Variants in DNAJC5 observed in about 807,000 individuals in gnomAD.
DNAJC5 encodes the protein dnaJ homolog subfamily C member 5.
A neutral mutation model predicts 23.2 loss-of-function variants in DNAJC5; 1 was observed. The ratio of observed to expected loss-of-function variants is 0.04; its 90% CI spans 0.02 to 0.20. DNAJC5 has a LOEUF of 0.20. Ranked by LOEUF, DNAJC5 falls within the 10% of genes least tolerant of loss-of-function variation. DNAJC5 has a pLI of 1.00. For missense variants in DNAJC5, 180 were observed against 267.0 expected, an observed-to-expected ratio of 0.67 and a Z score of 2.27; for synonymous variants, 136 against 120.0, an observed-to-expected ratio of 1.13 and a Z score of -0.87.
chr20:63,914,718 C>A (rs572286616), intron 1 of DNAJC5, among the ~76,000 whole-genome samples: 11 of 150,176 alleles, frequency 7.3e-5, no homozygotes, highest in Middle Eastern at 3.4e-3. Context: ...CTAGTTCAAA[C>A]GATTCTTCTG....
rs539536316 is a variant in DNAJC5, at chr20:63,934,481, G to C, written c.*2913G>C. On this transcript the variant is annotated 3_prime_UTR_variant, in exon 5 of 5. Transcript: ENST00000360864. Reference sequence around the variant, plus strand: ...CCTCTGGGGTCGTGCTTTGAGGCCCGTCCGGTTCACGAGGGGGTCCGGGCA... The same window carrying C: ...CCTCTGGGGTCGTGCTTTGAGGCCCCTCCGGTTCACGAGGGGGTCCGGGCA... The C allele has an allele frequency of 1.3e-5, 2 of 152,280 alleles. No individual in the cohort carries two copies. The highest frequency in any genetic ancestry group is 2.9e-5 in the Non-Finnish European group (2 of 68,074). 9.4% of individuals were successfully genotyped at this position (152,280 alleles called of 1,614,324 possible). A position where few individuals can be genotyped will look rare whatever the true frequency, so the allele number is the denominator to read the frequency against.
rs754875978 is a variant in DNAJC5 at position 63,928,477 on chromosome 20, C to CA, written c.107+26dup. On this transcript the variant is annotated intron_variant, in intron 2 of 4. Transcript: ENST00000360864. This position sits in a 1 kb window ranked among gnomAD's most constrained non-coding sequence, Gnocchi z 4.6. Reference sequence around the variant, plus strand: ...GGTAAGTGGACAAGTGTGGCCCCCACATCCCCCCAGGAAGACACACATGCC... The same window carrying CA: ...GGTAAGTGGACAAGTGTGGCCCCCACAATCCCCCCAGGAAGACACACATGCC... 1 of 1,588,340 alleles carries CA rather than the reference C, an allele frequency of 6.3e-7. No homozygotes were observed. The highest frequency in any genetic ancestry group is 8.6e-7 in the Non-Finnish European group (1 of 1,156,710).
chr20:63,931,335 G>T lies in DNAJC5; in HGVS notation c.494-130G>T. ...AGGCGACGGAGGAAAGCCGTGTGGG[G>T]TGGAGGTCAGCGAGTAGCCTCTCCC... On this transcript the variant is annotated intron_variant, in intron 4 of 4. Transcript: ENST00000360864. This position sits in a 1 kb window ranked among gnomAD's most constrained non-coding sequence, Gnocchi z 9.6. 2 of 954,732 alleles carry T rather than the reference G, an allele frequency of 2.1e-6. No individual in the cohort carries two copies. The highest frequency in any genetic ancestry group is 3.0e-4 in the Middle Eastern group (1 of 3,372). The allele number at this position is 954,732 out of a possible 1,614,324, so 59.1% of individuals were successfully genotyped here.
At chr20:63,915,977 A>G (rs1242584706) in intron 1 of DNAJC5, among the ~76,000 whole-genome samples, 2 of 152,248 alleles carry the variant, frequency 1.3e-5, no homozygotes, top group Non-Finnish European at 2.9e-5. Flanking sequence ...TTTGTCACTC[A>G]GACTGGAGGG....
chr20:63,904,794 G>T lies in DNAJC5; in HGVS notation c.-12+9471G>T, dbSNP rs896859783. On this transcript the variant is annotated intron_variant, in intron 1 of 4. Coordinates refer to ENST00000360864, the MANE Select transcript of DNAJC5 (RefSeq NM_025219.3). ...TAAGGCAGATTAATAAACTGTGGGG[G>T]TTTTTTTGTTTGTTTTTGTTTTTCT... Among the ~76,000 whole-genome samples the T allele has an allele frequency of 7.3e-5, 11 of 151,106 alleles. 1 individual carries two copies. Among genetic ancestry groups the T allele is most frequent in the Admixed American group, 4.0e-4 (6 of 14,956 alleles).
intron 1 of DNAJC5, among the ~76,000 whole-genome samples, chr20:63,907,856 C>T (rs1231899645): frequency 1.3e-5 from 2 of 152,202 alleles, no homozygotes; most frequent in Non-Finnish European, 2.9e-5. Flanking sequence ...TCCTCTGCCT[C>T]CCGGCTTCAA....
intron 1 of DNAJC5, among the ~76,000 whole-genome samples, chr20:63,905,545 C>T (rs1458785085): frequency 6.6e-6 from 1 of 151,782 alleles, no homozygotes; most frequent in East Asian, 1.9e-4. Context: ...GTGTGAGCCA[C>T]CACACATGAC....
intron 1 of DNAJC5, among the ~76,000 whole-genome samples, chr20:63,910,529 C>T (rs1014099695): frequency 4.7e-5 from 7 of 149,796 alleles, no homozygotes; most frequent in African/African-American, 1.2e-4. Context: ...GGCAACAGAG[C>T]GAGACTCCCT....
At chr20:63,924,200 A>T (rs199521321) in intron 1 of DNAJC5, among the ~76,000 whole-genome samples, 1 of 145,066 alleles carries the variant, frequency 6.9e-6, no homozygotes, top group Non-Finnish European at 1.5e-5. Flanking sequence ...AAAAATCAGT[A>T]TCAGTTTCTG....
intron 1 of DNAJC5, among the ~76,000 whole-genome samples, chr20:63,915,424 A>T (rs1362519192): frequency 2.9e-5 from 2 of 69,698 alleles, no homozygotes; most frequent in Admixed American, 1.5e-4. Flanking sequence ...TACAATTGGT[A>T]AAAAAAAAAA....
chr20:63,922,095 C>T (rs2053578227), intron 1 of DNAJC5, among the ~76,000 whole-genome samples: 1 of 151,866 alleles, frequency 6.6e-6, no homozygotes, highest in South Asian at 2.1e-4. Context: ...AAATTTAAAC[C>T]AAGTTTAGGA....
Position 63,928,493 on chromosome 20 carries a change from C to G in DNAJC5, c.107+41C>G, listed in dbSNP as rs369714507. 21 of 1,515,916 alleles carry G rather than the reference C, an allele frequency of 1.4e-5. No individual in the cohort carries two copies. In the African/African-American group the frequency reaches 2.1e-4, roughly 15 times the overall value. The allele number at this position is 1,515,916 out of a possible 1,614,324, so 93.9% of individuals were successfully genotyped here. On this transcript the variant is annotated intron_variant, in intron 2 of 4. Coordinates refer to ENST00000360864, the MANE Select transcript of DNAJC5 (RefSeq NM_025219.3). The surrounding 1 kb of genome is among the most constrained non-coding windows in gnomAD (Gnocchi z 4.6). ...TGGCCCCCACATCCCCCCAGGAAGA[C>G]ACACATGCCCCGTGTGGTTTAGTCT...
chr20:63,908,765 ACC>A (rs1230802512), intron 1 of DNAJC5, among the ~76,000 whole-genome samples: 3 of 152,048 alleles, frequency 2.0e-5, no homozygotes, highest in African/African-American at 7.2e-5. Context: ...CCACCATTGC[ACC>A]CCAGCCTGGG....
rs1487051165 is a variant in DNAJC5, at chr20:63,931,376, C to T, written c.494-89C>T. On this transcript the variant is annotated intron_variant, in intron 4 of 4. Transcript: ENST00000360864. The surrounding 1 kb of genome is among the most constrained non-coding windows in gnomAD (Gnocchi z 9.6). ...AGCCTCTCCCGGTGGAGAGTTTGTC[C>T]AGGTGCCCGAAAGTCGCTCCACAGG... The T allele has an allele frequency of 8.0e-7, 1 of 1,242,540 alleles. No homozygotes were observed. Among genetic ancestry groups the T allele is most frequent in the Non-Finnish European group, 1.1e-6 (1 of 880,664 alleles). 77.0% of individuals were successfully genotyped at this position (1,242,540 alleles called of 1,614,324 possible).
chr20:63,933,490 CAA>C lies in DNAJC5; in HGVS notation c.*1923_*1924del, dbSNP rs1382556533. 1 of 152,300 alleles carries C rather than the reference CAA, an allele frequency of 6.6e-6. No homozygotes were observed. Among genetic ancestry groups the C allele is most frequent in the African/African-American group, 2.4e-5 (1 of 41,428 alleles). The allele number at this position is 152,300 out of a possible 1,614,324, so 9.4% of individuals were successfully genotyped here. ...CTAAAATGATCACGAAGACCTTTGA[CAA>C]GAGGAGAGATATGCACTGTGATATT... On this transcript the variant is annotated 3_prime_UTR_variant, in exon 5 of 5. Transcript: ENST00000360864.
chr20:63,899,999 C>T (rs919353380), intron 1 of DNAJC5, among the ~76,000 whole-genome samples: 6 of 151,782 alleles, frequency 4.0e-5, no homozygotes, highest in African/African-American at 1.5e-4. Flanking sequence ...AGTGATTCTC[C>T]TGCCTCAGCC....
intron 1 of DNAJC5, among the ~76,000 whole-genome samples, chr20:63,905,132 T>C (rs1182195200): frequency 6.7e-6 from 1 of 148,866 alleles, no homozygotes; most frequent in Non-Finnish European, 1.5e-5. Flanking sequence ...CTTTTGTGTA[T>C]GTGATGGGGT....
At chr20:63,907,570 C>G (rs1314777294) in intron 1 of DNAJC5, among the ~76,000 whole-genome samples, 2 of 152,254 alleles carry the variant, frequency 1.3e-5, no homozygotes, top group East Asian at 3.9e-4. Context: ...CCTCCCACCC[C>G]CTGACCAGGC....
chr20:63,920,409 G>A lies in DNAJC5; in HGVS notation c.-11-7926G>A, dbSNP rs1417054737. ...GCTGGCGTCAGCAGGGCTCTCGTCCGCCAACGTCTGGTGGGGATGCCCGCC... is the reference window on the plus strand; with the variant it reads ...GCTGGCGTCAGCAGGGCTCTCGTCCACCAACGTCTGGTGGGGATGCCCGCC... On this transcript the variant is annotated intron_variant, in intron 1 of 4. Transcript: ENST00000360864. The surrounding 1 kb of genome is among the most constrained non-coding windows in gnomAD (Gnocchi z 4.6). Among the ~76,000 whole-genome samples, 1 of 148,452 alleles carries A rather than the reference G, an allele frequency of 6.7e-6. No homozygotes were observed. Among genetic ancestry groups the A allele is most frequent in the Non-Finnish European group, 1.5e-5 (1 of 67,730 alleles).
Sources: gnomAD v4.1 joint callset for allele counts (sites outside exome capture counted in the v4.1 genomes callset) on GRCh38, gnomAD v4.1.1 for gene constraint, Gnocchi (gnomAD v3.1) non-coding constraint, MANE v1.5 for transcripts, NCBI Gene and HGNC (gene_info 2026-07-23, HGNC 2026-07-21) for gene names.